The following PSMD14 variants were observed in gnomAD, a reference collection of about 807,000 sequenced individuals.
The protein encoded by PSMD14 is proteasome 26S subunit, non-ATPase 14, also known as ubiquitin C-terminal hydrolase PSMD14.
A neutral mutation model predicts 41.2 loss-of-function variants in PSMD14; 7 were observed. That is an observed-to-expected ratio of 0.17 (90% CI 0.10 to 0.32). The LOEUF (loss-of-function observed/expected upper bound fraction) is 0.32. Among genes scored for constraint, PSMD14 ranks in the 10% least tolerant of loss-of-function variants. PSMD14 has a pLI of 1.00. For synonymous variants in PSMD14, 114 were observed against 122.3 expected (o/e 0.93, Z 0.45); for missense variants, 139 against 375.6 (o/e 0.37, Z 5.21).
intron 8 of PSMD14, among the ~76,000 whole-genome samples, chr2:161,385,822 T>C (rs1683627819): frequency 6.6e-6 from 1 of 151,744 alleles, no homozygotes; most frequent in South Asian, 2.1e-4. Flanking sequence ...GTAGATCTTT[T>C]ATCTTGAAAG....
intron 8 of PSMD14, among the ~76,000 whole-genome samples, chr2:161,388,882 T>C (rs1045710124): frequency 1.3e-5 from 2 of 152,118 alleles, no homozygotes; most frequent in Admixed American, 1.3e-4. Context: ...GTTGGTCTTG[T>C]GTAGTTCTAC....
Position 161,341,051 on chromosome 2 carries a change from G to A in PSMD14, c.48+22178G>A, listed in dbSNP as rs1465640267. The stretch of plus-strand genomic sequence containing the variant: ...CCGCCGCGGGATCCCCTGGCCCTTC[G>A]GGCTCCCCCGGTCCCGCAGGCTCCC... On this transcript the variant is annotated intron_variant, in intron 3 of 11. Coordinates refer to ENST00000409682, the MANE Select transcript of PSMD14 (RefSeq NM_005805.6). 2.5e-6 allele frequency: 4 copies of A among 1,586,308 alleles called. No individual in the cohort carries two copies. The African/African-American group carries it at 4.0e-5, about 16-fold the overall frequency.
At chr2:161,314,630 A>C (rs1574111768) in intron 1 of PSMD14, among the ~76,000 whole-genome samples, 1 of 152,276 alleles carries the variant, frequency 6.6e-6, no homozygotes, top group African/African-American at 2.4e-5. Context: ...ACATGGAATC[A>C]CATAACATGT....
intron 8 of PSMD14, among the ~76,000 whole-genome samples, chr2:161,386,641 A>G (rs1261747422): frequency 6.6e-6 from 1 of 151,886 alleles, no homozygotes; most frequent in Non-Finnish European, 1.5e-5. Flanking sequence ...GATTGGGTAC[A>G]GACAAGCCTG....
chr2:161,348,955 G>A (rs751198273), intron 3 of PSMD14, among the ~76,000 whole-genome samples: 3 of 152,148 alleles, frequency 2.0e-5, no homozygotes, highest in Admixed American at 6.5e-5. Flanking sequence ...TAGTTGTCAC[G>A]TGGCTCTTTC....
In PSMD14 at chr2:161,327,981, T is replaced by TGTGTGTGA. The variant is rs1268803464; in HGVS notation, c.48+9111_48+9112insTGTGAGTG. On this transcript the variant is annotated intron_variant, in intron 3 of 11. Coordinates refer to ENST00000409682, the MANE Select transcript of PSMD14 (RefSeq NM_005805.6). ...GTGTGTGTGTGTGTGTGTGTGTGTG[T>TGTGTGTGA]GTGAGATGTTGGTTAGGAATTATAG... Among the ~76,000 whole-genome samples, 750 of 149,018 alleles carry TGTGTGTGA rather than the reference T, an allele frequency of 5.0e-3. 12 individuals are homozygous for TGTGTGTGA. The highest frequency in any genetic ancestry group is 0.017 in the African/African-American group (686 of 39,482).
intron 3 of PSMD14, among the ~76,000 whole-genome samples, chr2:161,363,168 C>T (rs1166701888): frequency 6.6e-6 from 1 of 152,184 alleles, no homozygotes; most frequent in Non-Finnish European, 1.5e-5. Flanking sequence ...ATCTAGGTTG[C>T]ATGCTCCATC....
chr2:161,389,257 G>A (rs116507976), intron 8 of PSMD14, among the ~76,000 whole-genome samples: 82 of 152,256 alleles, frequency 5.4e-4, no homozygotes, highest in African/African-American at 1.9e-3. Context: ...GGTTGTGCAA[G>A]TAGTGAGTGC....
intron 3 of PSMD14, among the ~76,000 whole-genome samples, chr2:161,331,308 G>A (rs1265017596): frequency 2.0e-5 from 3 of 151,552 alleles, no homozygotes; most frequent in Non-Finnish European, 4.4e-5. Context: ...TGTTGCTCGG[G>A]CTAGAGTGCG....
intron 3 of PSMD14, among the ~76,000 whole-genome samples, chr2:161,327,064 A>T (rs959493875): frequency 2.6e-5 from 4 of 152,212 alleles, no homozygotes; most frequent in African/African-American, 9.6e-5. Context: ...GACATATGCT[A>T]CAACATGAGT....
chr2:161,389,494 CTGA>C (rs1683678061), intron 8 of PSMD14, among the ~76,000 whole-genome samples: 1 of 152,114 alleles, frequency 6.6e-6, no homozygotes, highest in Non-Finnish European at 1.5e-5. Context: ...TTCATTGCTT[CTGA>C]TGATTATTGA....
At chr2:161,337,692 A>T (rs1682888566) in intron 3 of PSMD14, among the ~76,000 whole-genome samples, 1 of 152,188 alleles carries the variant, frequency 6.6e-6, no homozygotes, top group Non-Finnish European at 1.5e-5. Flanking sequence ...AGTGCACATG[A>T]CTGTGAACAG....
chr2:161,318,930 G>T, intron 3 of PSMD14, 57 bp downstream of exon 3: 5 of 1,397,320 alleles, frequency 3.6e-6, no homozygotes, highest in Non-Finnish European at 5.0e-6. Flanking sequence ...CCTTTTTGTA[G>T]TTAGCCAAAG....
intron 3 of PSMD14, among the ~76,000 whole-genome samples, chr2:161,342,978 A>G (rs1381692446): frequency 6.6e-6 from 1 of 152,182 alleles, no homozygotes; most frequent in Non-Finnish European, 1.5e-5. Context: ...TATACTCCAT[A>G]TATGCTCTCT....
At chr2:161,391,529 A>G (rs1463623285) in intron 9 of PSMD14, among the ~76,000 whole-genome samples, 2 of 152,086 alleles carry the variant, frequency 1.3e-5, no homozygotes, top group African/African-American at 4.8e-5. Flanking sequence ...TTAGTAATAT[A>G]TTGCTCTGTA....
At chr2:161,335,659 T>C (rs1682857929) in intron 3 of PSMD14, among the ~76,000 whole-genome samples, 1 of 152,268 alleles carries the variant, frequency 6.6e-6, no homozygotes, top group African/African-American at 2.4e-5. Context: ...TATCTTTTGA[T>C]TTACAAACCG....
At chr2:161,379,766 A>G (rs772702802) in intron 7 of PSMD14, among the ~76,000 whole-genome samples, 11 of 152,038 alleles carry the variant, frequency 7.2e-5, no homozygotes, top group Non-Finnish European at 1.5e-4. Flanking sequence ...GGAGAAAGTG[A>G]AGGTAGATTG....
intron 3 of PSMD14, among the ~76,000 whole-genome samples, chr2:161,347,167 C>T (rs192986431): frequency 1.3e-5 from 2 of 152,172 alleles, no homozygotes; most frequent in Middle Eastern, 3.4e-3. Context: ...TTTTGGAGAT[C>T]GTTGTTCTTT....
Position 161,385,288 on chromosome 2 carries a change from G to A in PSMD14, c.463-176G>A, listed in dbSNP as rs1244414672. ...GTGTCACCTTACATTACAAGATAGA[G>A]GGTGGTGTGCTGATGGCACAGTCAG... On this transcript the variant is annotated intron_variant, in intron 7 of 11. Transcript: ENST00000409682. The A allele has an allele frequency of 7.7e-6, 3 of 388,808 alleles. No homozygotes were observed. In the East Asian group the frequency reaches 1.1e-4, roughly 14 times the overall value. 24.1% of individuals were successfully genotyped at this position (388,808 alleles called of 1,614,324 possible). A position where few individuals can be genotyped will look rare whatever the true frequency, so the allele number is the denominator to read the frequency against.
Sources: gnomAD v4.1 joint callset for allele counts (sites outside exome capture counted in the v4.1 genomes callset) on GRCh38, gnomAD v4.1.1 for gene constraint, MANE v1.5 for transcripts, NCBI Gene and HGNC (gene_info 2026-07-23, HGNC 2026-07-21) for gene names.